Variants in OTOGL observed in about 807,000 individuals in gnomAD.
OTOGL encodes otogelin like, also known as otogelin-like protein.
In OTOGL, 285 loss-of-function variants were observed where a neutral mutation model predicts 318.5. The ratio of observed to expected loss-of-function variants is 0.89; its 90% CI spans 0.81 to 0.99. OTOGL has a LOEUF of 0.99. OTOGL is among the 50% of genes least tolerant of loss of function. OTOGL has a pLI of 0.00. For synonymous variants in OTOGL, 987 were observed against 936.5 expected (o/e 1.05, Z -0.99); for missense variants, 2,899 against 2,845.6 (o/e 1.02, Z -0.43).
chr12:80,208,912 C>T (rs1004937023), intron 1 of OTOGL, among the ~76,000 whole-genome samples: 1 of 151,906 alleles, frequency 6.6e-6, no homozygotes, highest in South Asian at 2.1e-4. Context: ...CTTTTTAATT[C>T]CTAAAGAAAA....
chr12:80,337,387 G>C (rs1220630872), intron 42 of OTOGL, among the ~76,000 whole-genome samples: 1 of 152,050 alleles, frequency 6.6e-6, no homozygotes, highest in East Asian at 1.9e-4. Context: ...CCGGAATAAA[G>C]ACCGTTAAGA....
intron 1 of OTOGL, among the ~76,000 whole-genome samples, chr12:80,126,874 T>G (rs1033879407): frequency 6.6e-6 from 1 of 152,192 alleles, no homozygotes; most frequent in Non-Finnish European, 1.5e-5. Flanking sequence ...CCCTGCCTTT[T>G]TTTGTTTTCC....
chr12:80,248,260 C>T (rs1269197543), intron 11 of OTOGL, among the ~76,000 whole-genome samples: 4 of 147,408 alleles, frequency 2.7e-5, no homozygotes, highest in East Asian at 4.0e-4. Context: ...TTCCTAGTCT[C>T]GATGGTCTTT....
At chr12:80,158,037 A>T (rs1486668911) in intron 1 of OTOGL, among the ~76,000 whole-genome samples, 1 of 152,164 alleles carries the variant, frequency 6.6e-6, no homozygotes, top group African/African-American at 2.4e-5. Context: ...ATATAAACTA[A>T]GTAGAAATTA....
intron 1 of OTOGL, among the ~76,000 whole-genome samples, chr12:80,169,966 C>T (rs1874079400): frequency 1.3e-5 from 2 of 152,186 alleles, no homozygotes; most frequent in East Asian, 1.9e-4. Context: ...CTACTATCAA[C>T]ATTCACATGT....
In OTOGL at chr12:80,378,671, T is replaced by G. The variant is rs937926529; in HGVS notation, c.*623T>G. The G allele has an allele frequency of 1.3e-5, 2 of 152,170 alleles. No individual in the cohort carries two copies. The highest frequency in any genetic ancestry group is 4.8e-5 in the African/African-American group (2 of 41,448). 9.4% of individuals were successfully genotyped at this position (152,170 alleles called of 1,614,324 possible). On this transcript the variant is annotated 3_prime_UTR_variant, in exon 59 of 59. Coordinates refer to ENST00000547103, the MANE Select transcript of OTOGL (RefSeq NM_001378609.3). The stretch of plus-strand genomic sequence containing the variant: ...AGTAAATTCATGTTAACAGTTGGAT[T>G]AAATCCTAGCTCTCTCTTATTCCAG...
chr12:80,303,474 TAAA>T (rs1025418407), intron 28 of OTOGL, among the ~76,000 whole-genome samples: 10 of 152,218 alleles, frequency 6.6e-5, no homozygotes, highest in African/African-American at 9.6e-5. Context: ...TTTTTAAATG[TAAA>T]AAATGTTACT....
At chr12:80,244,639 A>C (rs1359009933) in intron 11 of OTOGL, among the ~76,000 whole-genome samples, 1 of 149,894 alleles carries the variant, frequency 6.7e-6, no homozygotes, top group East Asian at 1.9e-4. Context: ...ATATGTGTGC[A>C]TGTGTCTTTA....
intron 29 of OTOGL, among the ~76,000 whole-genome samples, chr12:80,307,938 T>A (rs1478928895): frequency 3.7e-5 from 4 of 107,218 alleles, no homozygotes; most frequent in African/African-American, 1.3e-4. Flanking sequence ...CCCACCTCCC[T>A]CCCGGACGGA....
At chr12:80,268,306 T>C (rs1408311276) in intron 22 of OTOGL, among the ~76,000 whole-genome samples, 1 of 151,922 alleles carries the variant, frequency 6.6e-6, no homozygotes, top group Non-Finnish European at 1.5e-5. Context: ...TTAAAATACT[T>C]ACTCATCACC....
At chr12:80,338,184 A>T (rs929909073) in intron 42 of OTOGL, among the ~76,000 whole-genome samples, 12 of 152,084 alleles carry the variant, frequency 7.9e-5, no homozygotes, top group African/African-American at 2.9e-4. Context: ...AGAAAGCAAT[A>T]GGAGGAACAG....
At chr12:80,342,237 T>C in intron 44 of OTOGL, 75 bp downstream of exon 44, 1 of 1,177,044 alleles carries the variant, frequency 8.5e-7, no homozygotes, top group Non-Finnish European at 1.2e-6. Flanking sequence ...GTTACTGTTC[T>C]TGCTATAATG....
At chr12:80,352,701 C>A (rs141945473) in intron 45 of OTOGL, among the ~76,000 whole-genome samples, 1 of 152,126 alleles carries the variant, frequency 6.6e-6, no homozygotes, top group Non-Finnish European at 1.5e-5. Context: ...GCTGATTCAT[C>A]GGGAATGTGT....
chr12:80,367,650 G>A lies in OTOGL; in HGVS notation c.6421G>A (p.Ala2141Thr), dbSNP rs1551118. 1,231,898 of 1,525,446 alleles carry A rather than the reference G, an allele frequency of 0.81. 503,471 individuals carry two copies. The highest frequency in any genetic ancestry group is 0.84 in the Non-Finnish European group (944,103 of 1,126,400). The allele number at this position is 1,525,446 out of a possible 1,614,324, so 94.5% of individuals were successfully genotyped here. A position where few individuals can be genotyped will look rare whatever the true frequency, so the allele number is the denominator to read the frequency against. ...IKYLEEDFCY[A>T]IECLEEKDNH... ...GTATTTGGAAGAAGACTTTTGTTAT[G>A]CTATAGAGTGTCTGGAAGAAAAAGA... Residue 2141 changes from alanine to threonine, a missense_variant, in exon 54 of 59, where the codon GCT (alanine) becomes ACT (threonine). This residue lies in a region of OTOGL where 289 missense variants were observed against 304.6 expected (regional missense o/e 0.95). Coordinates refer to ENST00000547103, the MANE Select transcript of OTOGL (RefSeq NM_001378609.3).
chr12:80,277,267 AT>A (rs1442359002), intron 24 of OTOGL, among the ~76,000 whole-genome samples: 2 of 146,616 alleles, frequency 1.4e-5, no homozygotes, highest in Non-Finnish European at 3.0e-5. Context: ...TTGTTCTATT[AT>A]TATTTTGTTA....
intron 1 of OTOGL, among the ~76,000 whole-genome samples, chr12:80,101,217 GTT>G (rs1869117460): frequency 6.6e-6 from 1 of 152,182 alleles, no homozygotes; most frequent in East Asian, 1.9e-4. Context: ...TACGTGAAAG[GTT>G]GATGTTTCCG....
At chr12:80,309,437 G>T (rs921075476) in intron 29 of OTOGL, among the ~76,000 whole-genome samples, 7 of 152,314 alleles carry the variant, frequency 4.6e-5, no homozygotes, top group Middle Eastern at 3.4e-3. Context: ...GGAGGGAGCA[G>T]CCACCTAGAA....
Position 80,339,139 on chromosome 12 carries a change from C to T in OTOGL, c.4925C>T (p.Ser1642Phe), listed in dbSNP as rs11114409. The T allele has an allele frequency of 1.9e-6, 3 of 1,611,414 alleles. No homozygotes were observed. The highest frequency in any genetic ancestry group is 3.3e-4 in the Middle Eastern group (2 of 6,060). Residue 1642 changes from serine to phenylalanine, a missense_variant, in exon 43 of 59, where the codon TCT becomes TTT. By Grantham distance (155) the Ser-to-Phe change is radical. Transcript: ENST00000547103. ...FSSQELSIED[S>F]GSMYVITTPA... ...AGTCAGGAACTGTCCATAGAGGATT[C>T]TGGTTCAATGTATGTAATTACTACT...
intron 1 of OTOGL, among the ~76,000 whole-genome samples, chr12:80,130,172 C>T (rs1871150619): frequency 6.6e-6 from 1 of 152,124 alleles, no homozygotes; most frequent in East Asian, 1.9e-4. Flanking sequence ...TTCCCCAAAA[C>T]AATTTTTATT....
Sources: allele counts gnomAD v4.1 joint callset (sites outside exome capture counted in the v4.1 genomes callset), GRCh38; gene constraint gnomAD v4.1.1; regional missense constraint gnomAD v4.1.1; transcripts MANE v1.5; gene names NCBI Gene and HGNC (gene_info 2026-07-23, HGNC 2026-07-21).